ENTPD4: variants seen among roughly 807,000 people sequenced by gnomAD.
ENTPD4 encodes the protein ectonucleoside triphosphate diphosphohydrolase 4.
ENTPD4 carries 60 observed loss-of-function variants against 79.1 expected under a neutral mutation model. The ratio of observed to expected loss-of-function variants is 0.76; its 90% confidence interval spans 0.62 to 0.94. The LOEUF (loss-of-function observed/expected upper bound fraction) is 0.94, where lower values mean the gene tolerates loss of function less well. Ranked by LOEUF, ENTPD4 falls within the 40% of genes least tolerant of loss-of-function variation. ENTPD4 has a pLI of 0.00. For synonymous variants in ENTPD4, 276 were observed against 292.0 expected (o/e 0.95, Z 0.56); for missense variants, 772 against 775.1 (o/e 1.00, Z 0.05).
intron 9 of ENTPD4, among the ~76,000 whole-genome samples, chr8:23,438,903 C>T (rs1457846649): frequency 6.6e-6 from 1 of 152,160 alleles, no homozygotes; most frequent in Non-Finnish European, 1.5e-5. Context: ...CAGGCCTTCA[C>T]AGGTTTATTA....
chr8:23,454,316 G>A (rs957750180), intron 1 of ENTPD4, among the ~76,000 whole-genome samples: 2 of 152,124 alleles, frequency 1.3e-5, no homozygotes, highest in African/African-American at 2.4e-5. Flanking sequence ...GCTGAACTGA[G>A]AACCAAAGAA....
At chr8:23,441,433 T>C (rs1800667397) in intron 8 of ENTPD4, 136 bp downstream of exon 8, 3 of 1,478,706 alleles carry the variant, frequency 2.0e-6, no homozygotes, top group South Asian at 2.9e-5. Flanking sequence ...TCCTGTCTCC[T>C]TTCTCCTGGG....
intron 8 of ENTPD4, 52 bp from the exon 9 acceptor site, chr8:23,439,967 T>A (rs1800638982): frequency 6.6e-7 from 1 of 1,513,078 alleles, no homozygotes; most frequent in East Asian, 2.3e-5. Flanking sequence ...TTTAGCCTCC[T>A]ACTAAAAAGA....
intron 1 of ENTPD4, among the ~76,000 whole-genome samples, chr8:23,453,733 C>T (rs771693889): frequency 2.0e-5 from 3 of 152,106 alleles, no homozygotes; most frequent in East Asian, 1.9e-4. Flanking sequence ...GTGACACACA[C>T]GAACACTTAT....
At position 23,432,590 on chromosome 8, in the gene ENTPD4, C is replaced by T; in HGVS notation, c.*336G>A. On this transcript the variant is annotated 3_prime_UTR_variant, in exon 13 of 13. Coordinates refer to ENST00000358689, the MANE Select transcript of ENTPD4 (RefSeq NM_004901.5). Reference sequence around the variant, plus strand: ...CTCGGCTCACTGCAAGCTCTGCCTCCCAGGTTCATGCCATTCTCCTGCCTC... The same window carrying T: ...CTCGGCTCACTGCAAGCTCTGCCTCTCAGGTTCATGCCATTCTCCTGCCTC... 4.3e-6 allele frequency: 3 copies of T among 705,114 alleles called. No individual in the cohort carries two copies. The highest frequency in any genetic ancestry group is 5.3e-6 in the Non-Finnish European group (3 of 562,144). 43.7% of individuals were successfully genotyped at this position (705,114 alleles called of 1,614,324 possible).
At position 23,429,763 on chromosome 8, in the gene ENTPD4, CA is replaced by C. The variant is rs1800423760; in HGVS notation, c.*3162del. ...GCCCCATGTTACTGGCCTCAGCCAC[CA>C]GCAGCGTCTTCACTCCGCCCAGGTC... On this transcript the variant is annotated 3_prime_UTR_variant, in exon 13 of 13. Coordinates refer to ENST00000358689, the MANE Select transcript of ENTPD4 (RefSeq NM_004901.5). 1 of 985,346 alleles carries C rather than the reference CA, an allele frequency of 1.0e-6. No individual in the cohort carries two copies. 61.0% of individuals were successfully genotyped at this position (985,346 alleles called of 1,614,324 possible).
chr8:23,437,247 T>C lies in ENTPD4; in HGVS notation c.1061A>G (p.Lys354Arg), dbSNP rs61731462. The C allele has an allele frequency of 2.5e-6, 4 of 1,600,400 alleles. No individual in the cohort carries two copies. Among genetic ancestry groups the C allele is most frequent in the Non-Finnish European group, 3.4e-6 (4 of 1,173,206 alleles). ...NTIQKNRLLG[K>R]QTGLTPDMPY... is the part of the protein sequence containing the mutation. ...CATATCAGGAGTCAGACCAGTCTGT[T>C]TACCCAGGAGCCTATGGCAAAACAA... Residue 354 changes from lysine to arginine, a missense_variant, in exon 10 of 13, where the codon AAA (lysine) becomes AGA (arginine). Physicochemically the swap from Lys to Arg is conservative, Grantham distance 26. Transcript: ENST00000358689.
rs756697832 is a variant in ENTPD4 at position 23,448,814 on chromosome 8, G to GA, written c.133dup (p.Ser45PhefsTer13). On this transcript the variant is annotated frameshift_variant, in exon 3 of 13. Transcript: ENST00000358689. LOFTEE classifies it high-confidence loss of function. ...TATGACAACAGAAAAATATAAAAGT[G>GA]AAACAGCAGCAGCCAGGACACTAAT... The GA allele has an allele frequency of 6.2e-7, 1 of 1,614,078 alleles. No homozygotes were observed. The highest frequency in any genetic ancestry group is 8.5e-7 in the Non-Finnish European group (1 of 1,179,998).
At chr8:23,442,735 A>C (rs1278000836) in intron 6 of ENTPD4, among the ~76,000 whole-genome samples, 1 of 151,280 alleles carries the variant, frequency 6.6e-6, no homozygotes, top group African/African-American at 2.4e-5. Context: ...CCCTCCATTC[A>C]CTCAGCTGCC....
intron 8 of ENTPD4, among the ~76,000 whole-genome samples, chr8:23,440,861 G>A (rs1446870995): frequency 1.3e-5 from 2 of 152,212 alleles, no homozygotes; most frequent in African/African-American, 4.8e-5. Context: ...GTGAGGAGGA[G>A]GATGATGAAG....
chr8:23,439,049 A>AT (rs919298231), intron 9 of ENTPD4, among the ~76,000 whole-genome samples: 4 of 152,330 alleles, frequency 2.6e-5, no homozygotes, highest in Admixed American at 2.0e-4. Flanking sequence ...CCAGATTCAG[A>AT]TTTTTTTATT....
chr8:23,440,629 T>C (rs1181836859), intron 8 of ENTPD4, among the ~76,000 whole-genome samples: 1 of 152,248 alleles, frequency 6.6e-6, no homozygotes, highest in East Asian at 1.9e-4. Flanking sequence ...AAACAAATTG[T>C]AATACTTGAA....
At position 23,429,947 on chromosome 8, in the gene ENTPD4, T is replaced by C; in HGVS notation, c.*2979A>G. ...GTTTAAAAGTGAGAAGCCCATGATA[T>C]GGCTATGGAACATAAGCACTTATTG... On this transcript the variant is annotated 3_prime_UTR_variant, in exon 13 of 13. Transcript: ENST00000358689. 1 of 985,458 alleles carries C rather than the reference T, an allele frequency of 1.0e-6. No homozygotes were observed. 61.0% of individuals were successfully genotyped at this position (985,458 alleles called of 1,614,324 possible).
intron 9 of ENTPD4, 26 bp from the exon 10 acceptor site, chr8:23,437,284 G>C: frequency 6.5e-7 from 1 of 1,528,112 alleles, no homozygotes; most frequent in Non-Finnish European, 8.8e-7. Context: ...AAACTTCATC[G>C]TGAGTCCTAC....
intron 9 of ENTPD4, among the ~76,000 whole-genome samples, chr8:23,439,524 A>C (rs570347432): frequency 6.6e-6 from 1 of 152,308 alleles, no homozygotes; most frequent in South Asian, 2.1e-4. Context: ...TGCGGGTGAG[A>C]GAGCGCACGC....
rs1800417097 is a variant in ENTPD4, at chr8:23,429,403, T to C, written c.*3523A>G. ...AAATTCTCCTTGGTTGGTCACATCATTCATTATTGAAAGGGAAACTTAGTA... is the reference window on the plus strand; with the variant it reads ...AAATTCTCCTTGGTTGGTCACATCACTCATTATTGAAAGGGAAACTTAGTA... On this transcript the variant is annotated 3_prime_UTR_variant, in exon 13 of 13. Transcript: ENST00000358689. 1 of 985,090 alleles carries C rather than the reference T, an allele frequency of 1.0e-6. No homozygotes were observed. The highest frequency in any genetic ancestry group is 1.7e-5 in the African/African-American group (1 of 57,222). The allele number at this position is 985,090 out of a possible 1,614,324, so 61.0% of individuals were successfully genotyped here. A position where few individuals can be genotyped will look rare whatever the true frequency, so the allele number is the denominator to read the frequency against.
intron 9 of ENTPD4, among the ~76,000 whole-genome samples, chr8:23,439,529 G>A (rs758556535): frequency 2.0e-5 from 3 of 152,168 alleles, no homozygotes; most frequent in Non-Finnish European, 2.9e-5. Context: ...GTGAGAGAGC[G>A]CACGCACACA....
chr8:23,443,073 C>T (rs1438433786), intron 6 of ENTPD4, among the ~76,000 whole-genome samples: 1 of 152,102 alleles, frequency 6.6e-6, no homozygotes, highest in Non-Finnish European at 1.5e-5. Flanking sequence ...TCCCTCAGAG[C>T]CCCACCCTTC....
intron 1 of ENTPD4, among the ~76,000 whole-genome samples, chr8:23,454,652 C>G (rs1031959899): frequency 6.6e-6 from 1 of 151,296 alleles, no homozygotes; most frequent in African/African-American, 2.4e-5. Context: ...GGAAGGTGAC[C>G]GAGAGAATGA....
Sources: gnomAD v4.1 joint callset for allele counts (sites outside exome capture counted in the v4.1 genomes callset) on GRCh38, gnomAD v4.1.1 for gene constraint, MANE v1.5 for transcripts, NCBI Gene and HGNC (gene_info 2026-07-23, HGNC 2026-07-21) for gene names.